The following LRP1B variants were observed in gnomAD, a reference collection of about 807,000 sequenced individuals.
The protein encoded by LRP1B is LDL receptor related protein 1B, also known as low-density lipoprotein receptor-related protein 1B.
Under a neutral mutation model 556.6 loss-of-function variants are expected in LRP1B, and 217 were observed. The observed-to-expected ratio is 0.39, with a 90% CI of 0.35 to 0.44. The LOEUF is 0.44. LRP1B is among the 20% of genes least tolerant of loss of function. The pLI is 1.00. For missense variants in LRP1B, 5,053 were observed against 5,620.8 expected (o/e 0.90, Z 3.23); for synonymous variants, 2,047 against 1,865.8 (o/e 1.10, Z -2.50).
At chr2:141,886,505 C>T (rs1699118731) in intron 1 of LRP1B, among the ~76,000 whole-genome samples, 1 of 152,106 alleles carries the variant, frequency 6.6e-6, no homozygotes, top group South Asian at 2.1e-4. Context: ...TCTGATAAGA[C>T]TTTATTCCAT....
At chr2:141,458,342 C>T (rs1309243583) in intron 3 of LRP1B, among the ~76,000 whole-genome samples, 1 of 152,140 alleles carries the variant, frequency 6.6e-6, no homozygotes, top group Non-Finnish European at 1.5e-5. Context: ...GTCATCATCG[C>T]CTGGGCAGGG....
intron 1 of LRP1B, among the ~76,000 whole-genome samples, chr2:141,811,064 T>C (rs1696338024): frequency 6.6e-6 from 1 of 152,120 alleles, no homozygotes; most frequent in Non-Finnish European, 1.5e-5. Flanking sequence ...CTATTTTCCT[T>C]CCTTTGTTTC....
chr2:141,488,531 T>A (rs959139435), intron 2 of LRP1B, among the ~76,000 whole-genome samples: 1 of 152,094 alleles, frequency 6.6e-6, no homozygotes, highest in African/African-American at 2.4e-5. Flanking sequence ...CGAAAACAGA[T>A]CACTGCAGCC....
rs1340573335 is a variant in LRP1B at position 141,652,527 on chromosome 2, T to C, written c.205+157752A>G. ...AGGCTTTCTTGAGTCTCAGTCAGAC[T>C]GATGGGTAGGCTTCATACTAAGACA... On this transcript the variant is annotated intron_variant, in intron 2 of 90. Transcript: ENST00000389484. 3.3e-5 allele frequency among the ~76,000 whole-genome samples: 5 copies of C among 152,344 alleles called. No individual in the cohort carries two copies. The East Asian group carries it at 7.7e-4, about 24-fold the overall frequency.
At chr2:141,003,505 AGTCT>A (rs1256162803) in intron 15 of LRP1B, among the ~76,000 whole-genome samples, 2 of 152,058 alleles carry the variant, frequency 1.3e-5, no homozygotes, top group Non-Finnish European at 2.9e-5. Context: ...TATGGGGACA[AGTCT>A]TTCTCATGTT....
intron 43 of LRP1B, among the ~76,000 whole-genome samples, chr2:140,574,328 T>A (rs1266692732): frequency 6.6e-6 from 1 of 152,164 alleles, no homozygotes; most frequent in Non-Finnish European, 1.5e-5. Flanking sequence ...TTCAAATTGT[T>A]CTTGTATTTT....
intron 7 of LRP1B, among the ~76,000 whole-genome samples, chr2:141,132,944 T>C (rs1469393446): frequency 2.0e-5 from 3 of 151,816 alleles, no homozygotes; most frequent in African/African-American, 7.3e-5. Context: ...CAAAAATGAT[T>C]CCATATTGAA....
intron 66 of LRP1B, among the ~76,000 whole-genome samples, chr2:140,417,648 T>A (rs1685257290): frequency 6.6e-6 from 1 of 152,174 alleles, no homozygotes. Context: ...TTTATGTCAG[T>A]ACATGCACAG....
chr2:140,580,480 T>A (rs1046186617), intron 43 of LRP1B, among the ~76,000 whole-genome samples: 1 of 152,198 alleles, frequency 6.6e-6, no homozygotes, highest in African/African-American at 2.4e-5. Flanking sequence ...CACCTCAGTA[T>A]AAATCTTAAG....
chr2:141,993,041 T>C (rs751177749), intron 1 of LRP1B, among the ~76,000 whole-genome samples: 11 of 152,034 alleles, frequency 7.2e-5, no homozygotes, highest in South Asian at 2.1e-4. Context: ...AAAAAATCCA[T>C]TGGAGTCATG....
intron 6 of LRP1B, among the ~76,000 whole-genome samples, chr2:141,226,577 T>G (rs1683257814): frequency 1.3e-5 from 2 of 152,154 alleles, no homozygotes; most frequent in Non-Finnish European, 2.9e-5. Context: ...CACCTAAATA[T>G]AATGGGGGTG....
chr2:140,792,879 T>C (rs970913737), intron 32 of LRP1B, among the ~76,000 whole-genome samples: 1 of 152,058 alleles, frequency 6.6e-6, no homozygotes, highest in Non-Finnish European at 1.5e-5. Context: ...CATCTATCAT[T>C]GTATCCAAGC....
chr2:140,858,527 A>AGG (rs1326173061), intron 27 of LRP1B, among the ~76,000 whole-genome samples: 5 of 149,558 alleles, frequency 3.3e-5, no homozygotes, highest in African/African-American at 1.2e-4. Flanking sequence ...AGAGAGAGAG[A>AGG]GAAAGGAAAG....
chr2:140,591,398 A>T (rs1375511703), intron 43 of LRP1B, among the ~76,000 whole-genome samples: 1 of 152,238 alleles, frequency 6.6e-6, no homozygotes, highest in Non-Finnish European at 1.5e-5. Flanking sequence ...TCTATGATTT[A>T]TCCAGCTATT....
chr2:141,826,143 A>G (rs1021314497), intron 1 of LRP1B, among the ~76,000 whole-genome samples: 6 of 151,938 alleles, frequency 3.9e-5, no homozygotes, highest in Non-Finnish European at 7.4e-5. Flanking sequence ...AATAGCTGCT[A>G]TCGCATTTTC....
At chr2:140,436,342 C>G (rs1260875482) in intron 66 of LRP1B, among the ~76,000 whole-genome samples, 2 of 152,082 alleles carry the variant, frequency 1.3e-5, no homozygotes, top group Non-Finnish European at 2.9e-5. Flanking sequence ...ATGTACACAT[C>G]ATGATTTCAA....
At chr2:141,451,088 C>T (rs995926698) in intron 3 of LRP1B, among the ~76,000 whole-genome samples, 1 of 152,082 alleles carries the variant, frequency 6.6e-6, no homozygotes, top group African/African-American at 2.4e-5. Flanking sequence ...AGTCTTGATA[C>T]AAGTAATGTG....
intron 16 of LRP1B, among the ~76,000 whole-genome samples, chr2:140,990,667 T>C (rs1284758062): frequency 6.6e-6 from 1 of 152,052 alleles, no homozygotes; most frequent in African/African-American, 2.4e-5. Context: ...TGTGCACAGC[T>C]AAGGATTAAA....
intron 11 of LRP1B, among the ~76,000 whole-genome samples, chr2:141,038,360 C>T (rs904603041): frequency 1.5e-5 from 2 of 133,388 alleles, no homozygotes; most frequent in South Asian, 4.8e-4. Flanking sequence ...TCATTTCTGA[C>T]TTAAAATGAC....
Sources: allele counts gnomAD v4.1 joint callset (sites outside exome capture counted in the v4.1 genomes callset), GRCh38; gene constraint gnomAD v4.1.1; transcripts MANE v1.5; gene names NCBI Gene and HGNC (gene_info 2026-07-23, HGNC 2026-07-21).